Variants in DNAH9 observed in about 807,000 individuals in gnomAD.
DNAH9 encodes DNAH9 variant protein.
In DNAH9, 345 loss-of-function variants were observed where a neutral mutation model predicts 471.6. That is an observed-to-expected ratio of 0.73 (90% CI 0.67 to 0.80). The LOEUF is 0.80. DNAH9 is among the 30% of genes least tolerant of loss of function. The probability of loss-of-function intolerance (pLI) is 0.00; values close to 1 mark genes in which losing one functional copy is unlikely to be tolerated. For missense variants in DNAH9, 5,407 were observed against 5,609.2 expected (o/e 0.96, Z 1.15); for synonymous variants, 2,093 against 2,123.6 (o/e 0.99, Z 0.40).
chr17:11,659,998 G>A (rs994403723), intron 14 of DNAH9, among the ~76,000 whole-genome samples: 1 of 151,980 alleles, frequency 6.6e-6, no homozygotes, highest in South Asian at 2.1e-4. Flanking sequence ...TGTTTTCCTT[G>A]GTCGGTTTTG....
intron 53 of DNAH9, among the ~76,000 whole-genome samples, chr17:11,879,799 A>G (rs1172854052): frequency 6.6e-6 from 1 of 152,208 alleles, no homozygotes; most frequent in Non-Finnish European, 1.5e-5. Flanking sequence ...ACAATATAAT[A>G]TATTCAAATA....
rs149080397 is a variant in DNAH9, at chr17:11,869,223, C to A, written c.10023C>A (p.Thr3341=). 1.2e-6 allele frequency: 2 copies of A among 1,613,674 alleles called. No homozygotes were observed. Among genetic ancestry groups the A allele is most frequent in the African/African-American group, 2.7e-5 (2 of 75,038 alleles). ...KLKCQQEAEV[T]AVTISLANRL... ...AATGTCAGCAAGAAGCCGAAGTGAC[C>A]GCAGTCACCATCTCCCTTGCCAACC... The change falls in exon 51 of 69, where the codon ACC becomes ACA. Residue 3341 remains threonine, a synonymous_variant. Transcript: ENST00000262442.
At chr17:11,910,343 CATA>C (rs918168452) in intron 61 of DNAH9, among the ~76,000 whole-genome samples, 4 of 152,032 alleles carry the variant, frequency 2.6e-5, no homozygotes, top group African/African-American at 7.3e-5. Flanking sequence ...TTTCATTTGG[CATA>C]ATATTTTCAA....
intron 49 of DNAH9, among the ~76,000 whole-genome samples, chr17:11,851,011 T>A (rs1049961005): frequency 1.3e-5 from 2 of 152,092 alleles, no homozygotes; most frequent in Non-Finnish European, 2.9e-5. Context: ...GAAACCATCA[T>A]GGCTCTAGGA....
chr17:11,884,254 T>C (rs1414096037), intron 56 of DNAH9: 3 of 179,192 alleles, frequency 1.7e-5, no homozygotes, highest in Non-Finnish European at 3.6e-5. Flanking sequence ...TCCTGGGAAG[T>C]GATGACACAG....
chr17:11,901,404 C>G (rs561190096), intron 59 of DNAH9, among the ~76,000 whole-genome samples: 1 of 152,250 alleles, frequency 6.6e-6, no homozygotes, highest in South Asian at 2.1e-4. Context: ...ATAAAACACA[C>G]TAACACTGGG....
intron 45 of DNAH9, among the ~76,000 whole-genome samples, chr17:11,815,272 T>C (rs10521189): frequency 0.066 from 9,962 of 152,052 alleles, 818 homozygotes; most frequent in African/African-American, 0.18. Context: ...GGATTCCCTA[T>C]ATTGCTAACC....
intron 48 of DNAH9, among the ~76,000 whole-genome samples, chr17:11,825,631 G>A (rs1199793958): frequency 6.6e-6 from 1 of 152,188 alleles, no homozygotes; most frequent in Non-Finnish European, 1.5e-5. Flanking sequence ...ACATAGTGGA[G>A]AATCCTCCCA....
chr17:11,876,671 G>T (rs1220129622), intron 53 of DNAH9, among the ~76,000 whole-genome samples: 4 of 152,154 alleles, frequency 2.6e-5, no homozygotes, highest in Non-Finnish European at 5.9e-5. Context: ...GGAATGAAGA[G>T]TTAAGTGTTT....
intron 14 of DNAH9, among the ~76,000 whole-genome samples, chr17:11,664,307 G>GAA (rs1395410854): frequency 1.3e-5 from 2 of 151,672 alleles, no homozygotes; most frequent in Non-Finnish European, 2.9e-5. Flanking sequence ...GAGAGAGAGA[G>GAA]AAACATTTTT....
At chr17:11,609,422 T>C (rs1163274027) in intron 2 of DNAH9, among the ~76,000 whole-genome samples, 1 of 152,246 alleles carries the variant, frequency 6.6e-6, no homozygotes, top group Non-Finnish European at 1.5e-5. Flanking sequence ...AGTGTGTGTT[T>C]CTAATCATTG....
intron 45 of DNAH9, among the ~76,000 whole-genome samples, chr17:11,813,210 A>G (rs533067019): frequency 1.3e-5 from 2 of 151,756 alleles, no homozygotes; most frequent in Non-Finnish European, 2.9e-5. Context: ...TTTAGGCCCC[A>G]TTTTAAGGCT....
intron 53 of DNAH9, among the ~76,000 whole-genome samples, chr17:11,878,858 A>G (rs1217317356): frequency 6.6e-6 from 1 of 152,148 alleles, no homozygotes; most frequent in African/African-American, 2.4e-5. Context: ...ATGAGCCACC[A>G]GGCCTGGCCC....
At position 11,704,357 on chromosome 17, in the gene DNAH9, C is replaced by T. The variant is rs1412910396; in HGVS notation, c.5306C>T (p.Ser1769Phe). Residue 1769 changes from serine to phenylalanine, a missense_variant, in exon 25 of 69, where the codon TCC becomes TTC. Coordinates refer to ENST00000262442, the MANE Select transcript of DNAH9 (RefSeq NM_001372.4). ...ATCACCATGCTGATTGGCCAGCTCT[C>T]CAAGGGAGACCGGCAGAAGATTATG... The part of the protein sequence containing the change: ...TLITMLIGQL[S>F]KGDRQKIMTI... 2 of 1,614,150 alleles carry T rather than the reference C, an allele frequency of 1.2e-6. No homozygotes were observed. Among genetic ancestry groups the T allele is most frequent in the South Asian group, 1.1e-5 (1 of 91,072 alleles).
intron 67 of DNAH9, among the ~76,000 whole-genome samples, chr17:11,958,061 A>G (rs992895077): frequency 2.0e-5 from 3 of 152,220 alleles, no homozygotes; most frequent in African/African-American, 7.2e-5. Context: ...ACATCCAGAC[A>G]GTGGATTATT....
intron 26 of DNAH9, among the ~76,000 whole-genome samples, chr17:11,718,301 A>T (rs968890692): frequency 6.6e-6 from 1 of 152,232 alleles, no homozygotes; most frequent in East Asian, 1.9e-4. Context: ...ACACTCTACG[A>T]ATTACCACAT....
At chr17:11,760,521 A>AT (rs1194181233) in intron 35 of DNAH9, among the ~76,000 whole-genome samples, 2 of 150,938 alleles carry the variant, frequency 1.3e-5, no homozygotes, top group African/African-American at 4.9e-5. Context: ...AGTTTTTTTT[A>AT]TTTTTATTTT....
chr17:11,805,872 C>T (rs1394724720), intron 43 of DNAH9, among the ~76,000 whole-genome samples: 3 of 151,858 alleles, frequency 2.0e-5, no homozygotes, highest in Admixed American at 6.6e-5. Flanking sequence ...CTTTTTATTG[C>T]TACAAATGTT....
intron 14 of DNAH9, among the ~76,000 whole-genome samples, chr17:11,659,023 C>T (rs1415105962): frequency 2.6e-5 from 4 of 152,048 alleles, no homozygotes; most frequent in Non-Finnish European, 5.9e-5. Context: ...GGAAGTATTT[C>T]CTCTTTTATT....
Sources: allele counts gnomAD v4.1 joint callset (sites outside exome capture counted in the v4.1 genomes callset), GRCh38; gene constraint gnomAD v4.1.1; transcripts MANE v1.5; gene names NCBI Gene and HGNC (gene_info 2026-07-23, HGNC 2026-07-21).